The following AFDN variants were observed in gnomAD, a reference collection of about 807,000 sequenced individuals.
AFDN encodes the protein afadin, adherens junction formation factor, also known as afadin.
Under a neutral mutation model 216.6 loss-of-function variants are expected in AFDN, and 68 were observed. The ratio of observed to expected loss-of-function variants is 0.31; its 90% CI spans 0.26 to 0.38. The LOEUF (loss-of-function observed/expected upper bound fraction) is 0.38, where lower values mean the gene tolerates loss of function less well. Among genes scored for constraint, AFDN ranks in the 10% least tolerant of loss-of-function variants. AFDN has a pLI of 1.00. For missense variants in AFDN, 2,136 were observed against 2,342.0 expected, an observed-to-expected ratio of 0.91 and a Z score of 1.82; for synonymous variants, 868 against 853.7, an observed-to-expected ratio of 1.02 and a Z score of -0.29.
rs753711058 is a variant in AFDN, at chr6:167,966,011, TGAG to T, written c.5241_5243del (p.Glu1747del). 1.9e-4 allele frequency: 287 copies of T among 1,520,118 alleles called. No homozygotes were observed. The highest frequency in any genetic ancestry group is 5.4e-4 in the Admixed American group (27 of 49,716). The allele number at this position is 1,520,118 out of a possible 1,614,324, so 94.2% of individuals were successfully genotyped here. On this transcript the variant is annotated inframe_deletion, in exon 32 of 34. Transcript: ENST00000683244. ...TCACTGCCAAGTTTGTTGCATACAA[TGAG>T]GAGGAGGAGGAGGAGGACTGCAGCC...
intron 13 of AFDN, among the ~76,000 whole-genome samples, chr6:167,908,810 A>G (rs372387428): frequency 5.9e-5 from 9 of 152,314 alleles, no homozygotes; most frequent in South Asian, 2.1e-4. Flanking sequence ...TATTACTACA[A>G]TGATGAGAAC....
intron 13 of AFDN, among the ~76,000 whole-genome samples, chr6:167,910,657 A>T (rs1162770294): frequency 2.0e-5 from 3 of 152,246 alleles, no homozygotes; most frequent in Non-Finnish European, 4.4e-5. Flanking sequence ...GTGTCAGCAG[A>T]GAAAGACAAA....
At chr6:167,878,581 C>T (rs998100491) in intron 5 of AFDN, among the ~76,000 whole-genome samples, 1 of 140,684 alleles carries the variant, frequency 7.1e-6, no homozygotes, top group African/African-American at 2.5e-5. Flanking sequence ...CACGCACACA[C>T]ACCCACTCTC....
At chr6:167,925,294 TACTCTGAGA>T (rs1484814017) in intron 23 of AFDN, among the ~76,000 whole-genome samples, 1 of 152,212 alleles carries the variant, frequency 6.6e-6, no homozygotes, top group Non-Finnish European at 1.5e-5. Context: ...GATGATCTCC[TACTCTGAGA>T]ATGTAGCTAG....
chr6:167,964,039 G>A, intron 31 of AFDN: 2 of 1,064,406 alleles, frequency 1.9e-6, no homozygotes, highest in Non-Finnish European at 2.3e-6. Context: ...GCAGCACAGT[G>A]CACATGCAGA....
chr6:167,832,480 G>A (rs1038447021), intron 1 of AFDN, among the ~76,000 whole-genome samples: 2 of 152,168 alleles, frequency 1.3e-5, no homozygotes, highest in South Asian at 4.1e-4. Flanking sequence ...TTTTATTCTA[G>A]CAACCATAAG....
Position 167,827,204 on chromosome 6 carries a change from G to A in AFDN, c.72G>A (p.Arg24=). 1 of 1,275,678 alleles carries A rather than the reference G, an allele frequency of 7.8e-7. No homozygotes were observed. The highest frequency in any genetic ancestry group is 1.0e-6 in the Non-Finnish European group (1 of 979,452). 79.0% of individuals were successfully genotyped at this position (1,275,678 alleles called of 1,614,324 possible). A position where few individuals can be genotyped will look rare whatever the true frequency, so the allele number is the denominator to read the frequency against. Residue 24 remains arginine (R), a synonymous_variant, in exon 1 of 34, where the codon CGG becomes CGA. Transcript: ENST00000683244. ...ADIIHHWNAN[R]LDLFEISQPT... is the part of the protein sequence containing the mutation. ...TCATCCACCACTGGAACGCCAACCG[G>A]CTGGACCTGTTCGAGATCAGCCAGC... is the stretch of plus-strand genomic sequence containing the variant.
At chr6:167,861,405 C>T (rs544170988) in intron 1 of AFDN, among the ~76,000 whole-genome samples, 3 of 152,276 alleles carry the variant, frequency 2.0e-5, no homozygotes, top group African/African-American at 7.2e-5. Flanking sequence ...TCCAGGAATA[C>T]TCTTACTTTT....
intron 6 of AFDN, among the ~76,000 whole-genome samples, chr6:167,888,758 C>G (rs538429622): frequency 1.8e-4 from 28 of 152,112 alleles, no homozygotes; most frequent in Middle Eastern, 3.4e-3. Flanking sequence ...TTCAAGAAAA[C>G]GAAAACTATT....
chr6:167,915,624 G>T (rs73032778), intron 19 of AFDN, among the ~76,000 whole-genome samples, 191 bp downstream of exon 19: 3,009 of 152,270 alleles, frequency 0.02, 56 homozygotes, highest in Non-Finnish European at 0.033. Context: ...TTTTTTCACT[G>T]TATTAATTGT....
intron 26 of AFDN, 57 bp from the exon 27 acceptor site, chr6:167,946,650 A>G (rs1795297168): frequency 7.0e-7 from 1 of 1,430,660 alleles, no homozygotes; most frequent in Non-Finnish European, 9.7e-7. Context: ...AATTTTAATG[A>G]TAATCAGGGT....
chr6:167,868,762 CTTTTTTT>C (rs35300672), intron 2 of AFDN, among the ~76,000 whole-genome samples: 31 of 122,562 alleles, frequency 2.5e-4, no homozygotes, highest in African/African-American at 9.6e-4. Context: ...ATTGTGCAAT[CTTTTTTT>C]TTTTTTTTTT....
chr6:167,910,971 AT>A, intron 13 of AFDN, 129 bp from the exon 14 acceptor site: 1 of 740,124 alleles, frequency 1.4e-6, no homozygotes, highest in South Asian at 1.8e-5. Flanking sequence ...AACAAGGGAT[AT>A]TTTATTATTT....
intron 11 of AFDN, among the ~76,000 whole-genome samples, chr6:167,900,057 A>G (rs917209308): frequency 3.3e-5 from 5 of 152,252 alleles, no homozygotes; most frequent in Non-Finnish European, 7.3e-5. Flanking sequence ...AGCAGAGATC[A>G]TTGAAGAACA....
chr6:167,929,477 A>G (rs1793006096), intron 23 of AFDN, among the ~76,000 whole-genome samples: 1 of 152,166 alleles, frequency 6.6e-6, no homozygotes, highest in Admixed American at 6.5e-5. Context: ...GCACCTGCAA[A>G]TTTGTGACTC....
chr6:167,969,179 A>G lies in AFDN; in HGVS notation c.5323A>G (p.Lys1775Glu), dbSNP rs768785581. Residue 1775 changes from lysine to glutamate, a missense_variant, in exon 33 of 34, where the codon AAA becomes GAA. Coordinates refer to ENST00000683244, the MANE Select transcript of AFDN (RefSeq NM_001386888.1). ...AGCCCATGACGCCTGTCGGGATGCA[A>G]AAGAGAAGCGCTCTAAAAGGTATGG... ...VGAHDACRDA[K>E]EKRSKSQDAD... 1 of 1,613,880 alleles carries G rather than the reference A, an allele frequency of 6.2e-7. No individual in the cohort carries two copies. The highest frequency in any genetic ancestry group is 8.5e-7 in the Non-Finnish European group (1 of 1,179,792).
intron 29 of AFDN, among the ~76,000 whole-genome samples, chr6:167,949,476 A>C (rs1298621113): frequency 1.3e-5 from 2 of 152,184 alleles, no homozygotes; most frequent in Non-Finnish European, 2.9e-5. Flanking sequence ...CTCAGGCCAC[A>C]GATGTTGGCT....
chr6:167,864,851 CT>C (rs770041643), intron 2 of AFDN, 105 bp downstream of exon 2: 1 of 1,162,922 alleles, frequency 8.6e-7, no homozygotes, highest in Non-Finnish European at 1.3e-6. Flanking sequence ...TCGTCTCCAT[CT>C]TTCTTCTCTT....
intron 1 of AFDN, among the ~76,000 whole-genome samples, chr6:167,849,659 T>C (rs974134435): frequency 2.0e-5 from 3 of 152,222 alleles, no homozygotes; most frequent in African/African-American, 7.2e-5. Context: ...TATGTGTATG[T>C]GTTAGCCTAG....
Sources: allele counts gnomAD v4.1 joint callset (sites outside exome capture counted in the v4.1 genomes callset), GRCh38; gene constraint gnomAD v4.1.1; transcripts MANE v1.5; gene names NCBI Gene and HGNC (gene_info 2026-07-23, HGNC 2026-07-21).